RAB3GAP2: variants seen among roughly 807,000 people sequenced by gnomAD.
RAB3GAP2 encodes the protein RAB3 GTPase activating non-catalytic protein subunit 2.
RAB3GAP2 carries 87 observed loss-of-function variants against 185.3 expected under a neutral mutation model. The ratio of observed to expected loss-of-function variants is 0.47; its 90% confidence interval spans 0.39 to 0.56. The LOEUF is 0.56. RAB3GAP2 is among the 20% of genes least tolerant of loss of function. The pLI, the probability that RAB3GAP2 is intolerant of heterozygous loss-of-function variation, is 0.00. For synonymous variants in RAB3GAP2, 554 were observed against 576.1 expected (o/e 0.96, Z 0.55); for missense variants, 1,492 against 1,638.2 (o/e 0.91, Z 1.54).
At chr1:220,224,063 T>C (rs1206691718) in intron 2 of RAB3GAP2, among the ~76,000 whole-genome samples, 3 of 150,950 alleles carry the variant, frequency 2.0e-5, no homozygotes, top group Non-Finnish European at 1.5e-5. Flanking sequence ...TTTATTCTGA[T>C]GGAATAAGGC....
intron 1 of RAB3GAP2, among the ~76,000 whole-genome samples, chr1:220,255,979 T>C (rs1040042463): frequency 2.0e-5 from 3 of 151,998 alleles, no homozygotes; most frequent in African/African-American, 7.3e-5. Context: ...CACATAATCA[T>C]CAGATTCTCC....
Position 220,157,292 on chromosome 1 carries a change from G to C in RAB3GAP2, c.3533C>G (p.Pro1178Arg). The change falls in exon 31 of 35, where the codon CCA (proline) becomes CGA (arginine). Residue 1178 changes from proline to arginine, a missense_variant. Transcript: ENST00000358951. ...VMRFSLKTVK[P>R]LSLFDSKGKN... ...TACCTTACTGTCAAAAAGTGAAAGT[G>C]GCTTCACGGTCTTCAGAGAAAACCT... is the stretch of plus-strand genomic sequence containing the variant. 1 of 1,613,898 alleles carries C rather than the reference G, an allele frequency of 6.2e-7. No homozygotes were observed. Among genetic ancestry groups the C allele is most frequent in the Non-Finnish European group, 8.5e-7 (1 of 1,179,932 alleles).
At chr1:220,247,067 C>G (rs576714024) in intron 1 of RAB3GAP2, among the ~76,000 whole-genome samples, 6 of 152,114 alleles carry the variant, frequency 3.9e-5, no homozygotes, top group Non-Finnish European at 4.4e-5. Flanking sequence ...TACCACCTCA[C>G]TACTGCAAGA....
At chr1:220,264,497 T>A (rs1660196613) in intron 1 of RAB3GAP2, among the ~76,000 whole-genome samples, 1 of 151,972 alleles carries the variant, frequency 6.6e-6, no homozygotes, top group Admixed American at 6.6e-5. Context: ...CTTTCACAGG[T>A]ACATGTGGAA....
chr1:220,222,265 A>G (rs1659322176), intron 2 of RAB3GAP2, among the ~76,000 whole-genome samples: 1 of 152,014 alleles, frequency 6.6e-6, no homozygotes, highest in African/African-American at 2.4e-5. Context: ...ATATTTTTCA[A>G]ACTTTCTTTT....
At chr1:220,234,921 C>G (rs1214883258) in intron 1 of RAB3GAP2, among the ~76,000 whole-genome samples, 1 of 152,144 alleles carries the variant, frequency 6.6e-6, no homozygotes, top group Non-Finnish European at 1.5e-5. Context: ...TGCCTAAATG[C>G]TTTATAGACA....
chr1:220,166,106 C>T (rs1380608530), intron 26 of RAB3GAP2, among the ~76,000 whole-genome samples: 1 of 152,162 alleles, frequency 6.6e-6, no homozygotes, highest in African/African-American at 2.4e-5. Context: ...AGGCTGTAGT[C>T]AACTGAAGAG....
At chr1:220,154,213 A>G (rs1184919509) in intron 31 of RAB3GAP2, 156 bp from the exon 32 acceptor site, 26 of 1,108,280 alleles carry the variant, frequency 2.3e-5, no homozygotes, top group Non-Finnish European at 3.1e-5. Flanking sequence ...ATTATCTAGT[A>G]TATAGTAGAC....
intron 28 of RAB3GAP2, 59 bp from the exon 29 acceptor site, chr1:220,159,480 A>C: frequency 8.0e-7 from 1 of 1,249,114 alleles, no homozygotes; most frequent in Non-Finnish European, 1.1e-6. Context: ...AGACATTACT[A>C]TGGCACAAAT....
chr1:220,231,615 C>G (rs192085644), intron 2 of RAB3GAP2, among the ~76,000 whole-genome samples: 4 of 152,324 alleles, frequency 2.6e-5, no homozygotes, highest in South Asian at 4.1e-4. Context: ...TATCCTCTAA[C>G]TCCAGGGAAT....
chr1:220,255,184 A>G (rs1226959991), intron 1 of RAB3GAP2, among the ~76,000 whole-genome samples: 1 of 151,456 alleles, frequency 6.6e-6, no homozygotes, highest in Non-Finnish European at 1.5e-5. Flanking sequence ...TCTTCAATAA[A>G]TTTTTTCTTT....
At chr1:220,205,546 C>T (rs1056059627) in intron 8 of RAB3GAP2, among the ~76,000 whole-genome samples, 1 of 152,102 alleles carries the variant, frequency 6.6e-6, no homozygotes, top group African/African-American at 2.4e-5. Context: ...GGTACCTCAG[C>T]CACATGCAAC....
chr1:220,257,479 G>C (rs1266613240), intron 1 of RAB3GAP2, among the ~76,000 whole-genome samples: 2 of 151,862 alleles, frequency 1.3e-5, no homozygotes, highest in Non-Finnish European at 2.9e-5. Context: ...ATGACTTTTG[G>C]GTAAACAATG....
chr1:220,201,839 C>T (rs1229253471), intron 9 of RAB3GAP2, among the ~76,000 whole-genome samples: 1 of 152,086 alleles, frequency 6.6e-6, no homozygotes, highest in East Asian at 1.9e-4. Flanking sequence ...TCTGAACTAA[C>T]TTCCAGATGT....
Position 220,232,839 on chromosome 1 carries a change from T to C in RAB3GAP2, c.140A>G (p.Asp47Gly), listed in dbSNP as rs1404769386. Residue 47 changes from aspartate (D) to glycine (G), a missense_variant, in exon 2 of 35, where the codon GAT (aspartate) becomes GGT (glycine). Asp to Gly is a moderately conservative substitution (Grantham distance 94, BLOSUM62 -1). This residue lies in a region of RAB3GAP2 where 177 missense variants were observed against 160.6 expected (regional missense o/e 1.10). Coordinates refer to ENST00000358951, the MANE Select transcript of RAB3GAP2 (RefSeq NM_012414.4). ...DPSKSTDWEDDGWGAWEENEP... is the reference protein window; with the variant it reads ...DPSKSTDWEDGGWGAWEENEP... ...ATTTTCTTCCCATGCTCCCCAACCATCATCTTCCCAGTCTGTTGATTTACC... is the reference window on the plus strand; with the variant it reads ...ATTTTCTTCCCATGCTCCCCAACCACCATCTTCCCAGTCTGTTGATTTACC... The C allele has an allele frequency of 1.2e-5, 20 of 1,613,864 alleles. No individual in the cohort carries two copies. Among genetic ancestry groups the C allele is most frequent in the Non-Finnish European group, 1.7e-5 (20 of 1,179,812 alleles).
chr1:220,250,921 T>C (rs373212435), intron 1 of RAB3GAP2, among the ~76,000 whole-genome samples: 1 of 152,180 alleles, frequency 6.6e-6, no homozygotes, highest in Non-Finnish European at 1.5e-5. Flanking sequence ...AGTGAGTCAA[T>C]TAAACCTCTT....
At chr1:220,213,713 G>A (rs1659125129) in intron 3 of RAB3GAP2, 143 bp downstream of exon 3, 1 of 735,316 alleles carries the variant, frequency 1.4e-6, no homozygotes, top group Admixed American at 2.6e-5. Context: ...GGGAGGGAGG[G>A]AGGGGGCGGA....
intron 1 of RAB3GAP2, among the ~76,000 whole-genome samples, chr1:220,261,568 A>C (rs959744207): frequency 6.6e-6 from 1 of 152,134 alleles, no homozygotes; most frequent in African/African-American, 2.4e-5. Flanking sequence ...CCTATTTCTC[A>C]GCTCAAATTC....
At position 220,182,649 on chromosome 1, in the gene RAB3GAP2, C is replaced by T. The variant is rs1163623297; in HGVS notation, c.2212+69G>A. 16 of 1,274,440 alleles carry T rather than the reference C, an allele frequency of 1.3e-5. No individual in the cohort carries two copies. The East Asian group carries it at 2.6e-4, about 20-fold the overall frequency. The allele number at this position is 1,274,440 out of a possible 1,614,324, so 78.9% of individuals were successfully genotyped here. On this transcript the variant is annotated intron_variant, in intron 20 of 34. Transcript: ENST00000358951. ...CAAAACAAATGGAATCTCTGAGATGCTATATGTTCCTACCATGTTTTCTTC... is the reference window on the plus strand; with the variant it reads ...CAAAACAAATGGAATCTCTGAGATGTTATATGTTCCTACCATGTTTTCTTC...
Sources: gnomAD v4.1 joint callset for allele counts (sites outside exome capture counted in the v4.1 genomes callset) on GRCh38, gnomAD v4.1.1 for gene constraint, gnomAD v4.1.1 regional missense constraint, MANE v1.5 for transcripts, NCBI Gene and HGNC (gene_info 2026-07-23, HGNC 2026-07-21) for gene names.